Variants in RAD51B observed in about 807,000 individuals in gnomAD.
RAD51B encodes RAD51 paralog B, also known as DNA repair protein RAD51 homolog 2.
Under a neutral mutation model 42.2 loss-of-function variants are expected in RAD51B, and 38 were observed. The ratio of observed to expected loss-of-function variants is 0.90; its 90% CI spans 0.70 to 1.18. The LOEUF (loss-of-function observed/expected upper bound fraction) is 1.18. RAD51B is among the 50% of genes most tolerant of loss of function. The pLI, the probability that RAD51B is intolerant of heterozygous loss-of-function variation, is 0.00. For missense variants in RAD51B, 373 were observed against 400.7 expected, an observed-to-expected ratio of 0.93 and a Z score of 0.59; for synonymous variants, 154 against 145.2, an observed-to-expected ratio of 1.06 and a Z score of -0.43.
intron 6 of RAD51B, 116 bp from the exon 7 acceptor site, chr14:67,886,905 A>G (rs550116169): frequency 6.3e-6 from 4 of 632,926 alleles, no homozygotes; most frequent in South Asian, 3.1e-5. Context: ...GCAAATCATT[A>G]CTGTAACTTA....
chr14:68,220,056 T>C (rs562173219), intron 7 of RAD51B, among the ~76,000 whole-genome samples: 9 of 152,124 alleles, frequency 5.9e-5, no homozygotes, highest in East Asian at 5.8e-4. Context: ...GTCCCAGCAA[T>C]AGAATCAAAC....
intron 9 of RAD51B, among the ~76,000 whole-genome samples, chr14:68,428,656 C>T (rs1034300024): frequency 6.9e-6 from 1 of 143,910 alleles, no homozygotes; most frequent in Admixed American, 7.0e-5. Flanking sequence ...CTTATGTCAC[C>T]TAGCATAATG....
At chr14:68,113,099 A>T (rs1376216527) in intron 7 of RAD51B, among the ~76,000 whole-genome samples, 1 of 152,122 alleles carries the variant, frequency 6.6e-6, no homozygotes, top group African/African-American at 2.4e-5. Context: ...TTGATTTTTT[A>T]AATTAATTCT....
intron 8 of RAD51B, among the ~76,000 whole-genome samples, chr14:68,340,859 C>T (rs1453973452): frequency 6.6e-6 from 1 of 152,202 alleles, no homozygotes; most frequent in African/African-American, 2.4e-5. Flanking sequence ...AATATGAAAG[C>T]AATGGAGAAC....
At chr14:68,045,412 A>T (rs2076285764) in intron 7 of RAD51B, among the ~76,000 whole-genome samples, 1 of 152,086 alleles carries the variant, frequency 6.6e-6, no homozygotes. Context: ...GGGCTGAATA[A>T]AATTGTTACC....
At chr14:68,447,150 A>G (rs1003389717) in intron 9 of RAD51B, among the ~76,000 whole-genome samples, 2 of 152,208 alleles carry the variant, frequency 1.3e-5, no homozygotes, top group African/African-American at 2.4e-5. Flanking sequence ...CCCAGGAGGC[A>G]GAGGTTGTGG....
rs145430065 is a variant in RAD51B, at chr14:68,499,317, G to A, written c.1036+31067G>A. On this transcript the variant is annotated intron_variant, in intron 10 of 10. Transcript: ENST00000487270. ...ACTTGTTTTCACTCCCTGCCAATGA[G>A]TAAAGAATGAAGAGCTAGATTTTTC... 1.5e-3 allele frequency among the ~76,000 whole-genome samples: 232 copies of A among 152,300 alleles called. 1 individual carries two copies. The highest frequency in any genetic ancestry group is 5.4e-3 in the African/African-American group (226 of 41,548).
At chr14:68,385,236 C>T (rs1411250893) in intron 8 of RAD51B, among the ~76,000 whole-genome samples, 3 of 152,132 alleles carry the variant, frequency 2.0e-5, no homozygotes, top group Non-Finnish European at 4.4e-5. Flanking sequence ...CTGCCACCCT[C>T]GCTGCCACAT....
At chr14:68,285,926 C>T (rs8008961) in intron 7 of RAD51B, among the ~76,000 whole-genome samples, 43,996 of 152,066 alleles carry the variant, frequency 0.29, 6,817 homozygotes, top group Middle Eastern at 0.44. Context: ...ACATACTTGA[C>T]TTTCATAGAA....
intron 7 of RAD51B, among the ~76,000 whole-genome samples, chr14:68,094,176 A>G (rs2077152285): frequency 6.6e-6 from 1 of 152,144 alleles, no homozygotes. Flanking sequence ...GTTGATGTAG[A>G]TCTTAATTTT....
At chr14:68,187,917 C>T (rs2079189233) in intron 7 of RAD51B, among the ~76,000 whole-genome samples, 1 of 152,130 alleles carries the variant, frequency 6.6e-6, no homozygotes, top group Admixed American at 6.5e-5. Context: ...TGGGTCAAAG[C>T]TATTCTCCTG....
chr14:67,920,638 G>A (rs2180537), intron 7 of RAD51B, among the ~76,000 whole-genome samples: 9,103 of 152,214 alleles, frequency 0.06, 638 homozygotes, highest in African/African-American at 0.17. Context: ...TTAAGTTTCT[G>A]TAATATGTGG....
chr14:68,618,194 G>A (rs898208001), intron 10 of RAD51B, among the ~76,000 whole-genome samples: 17 of 152,174 alleles, frequency 1.1e-4, no homozygotes, highest in African/African-American at 3.9e-4. Context: ...TCTTACATTT[G>A]CTCTCCAGAT....
intron 7 of RAD51B, among the ~76,000 whole-genome samples, chr14:67,964,632 C>T (rs1374591081): frequency 8.0e-5 from 12 of 150,640 alleles, no homozygotes; most frequent in Admixed American, 3.3e-4. Context: ...CTTTTTTTTT[C>T]CCCCATATTG....
chr14:68,480,650 T>G (rs1409208397), downstream of RAD51B, among the ~76,000 whole-genome samples: 1 of 147,248 alleles, frequency 6.8e-6, no homozygotes, highest in Admixed American at 6.8e-5. Flanking sequence ...CTTCCCAAAT[T>G]CAGATTATCA....
intron 7 of RAD51B, among the ~76,000 whole-genome samples, chr14:68,202,146 A>T (rs2079498909): frequency 6.6e-6 from 1 of 152,222 alleles, no homozygotes; most frequent in African/African-American, 2.4e-5. Context: ...TTTAATTAAA[A>T]ATAATTTATT....
chr14:67,890,643 A>G (rs1249980344), intron 7 of RAD51B, among the ~76,000 whole-genome samples: 1 of 124,118 alleles, frequency 8.1e-6, no homozygotes, highest in Non-Finnish European at 1.6e-5. Flanking sequence ...CCCAGAGTGT[A>G]AACTTCTTAA....
At chr14:68,342,225 G>A (rs1462280254) in intron 8 of RAD51B, among the ~76,000 whole-genome samples, 1 of 152,144 alleles carries the variant, frequency 6.6e-6, no homozygotes, top group African/African-American at 2.4e-5. Flanking sequence ...GAACACAGAA[G>A]CCACTTGATG....
chr14:68,454,775 C>A (rs1002098816), intron 9 of RAD51B, among the ~76,000 whole-genome samples: 1 of 152,186 alleles, frequency 6.6e-6, no homozygotes, highest in Non-Finnish European at 1.5e-5. Flanking sequence ...TAATTGCTCA[C>A]CATCATGGCT....
Sources: gnomAD v4.1 joint callset for allele counts (sites outside exome capture counted in the v4.1 genomes callset) on GRCh38, gnomAD v4.1.1 for gene constraint, MANE v1.5 for transcripts, NCBI Gene and HGNC (gene_info 2026-07-23, HGNC 2026-07-21) for gene names.